Variants in MTA3 observed in about 807,000 individuals in gnomAD.
MTA3 encodes metastasis associated 1 family member 3.
In MTA3, 34 loss-of-function variants were observed where a neutral mutation model predicts 83.5. The ratio of observed to expected loss-of-function variants is 0.41; its 90% CI spans 0.31 to 0.54. MTA3 has a LOEUF of 0.54. Among genes scored for constraint, MTA3 ranks in the 20% least tolerant of loss-of-function variants. The pLI, the probability that MTA3 is intolerant of heterozygous loss-of-function variation, is 0.33. For synonymous variants in MTA3, 303 were observed against 252.7 expected (o/e 1.20, Z -1.89); for missense variants, 761 against 726.4 (o/e 1.05, Z -0.55).
chr2:42,731,172 T>A (rs191459623), intron 16 of MTA3, among the ~76,000 whole-genome samples: 11 of 152,366 alleles, frequency 7.2e-5, no homozygotes, highest in Non-Finnish European at 1.0e-4. Context: ...ATTGACCTTT[T>A]GTATTGCTTC....
intron 2 of MTA3, among the ~76,000 whole-genome samples, chr2:42,537,028 A>G (rs1201517654): frequency 3.9e-5 from 6 of 152,148 alleles, no homozygotes; most frequent in Non-Finnish European, 1.5e-5. Context: ...AATATATTGT[A>G]GCATGTGGCT....
At chr2:42,694,720 A>C (rs1693223612) in intron 9 of MTA3, among the ~76,000 whole-genome samples, 1 of 152,216 alleles carries the variant, frequency 6.6e-6, no homozygotes, top group Non-Finnish European at 1.5e-5. Context: ...CAGAGACCAG[A>C]TGACACACAG....
At chr2:42,616,217 C>T (rs1558504783) in intron 4 of MTA3, among the ~76,000 whole-genome samples, 3 of 152,086 alleles carry the variant, frequency 2.0e-5, no homozygotes, top group Middle Eastern at 3.2e-3. Context: ...TGTGCCACCA[C>T]GCCTGGCTAA....
intron 2 of MTA3, among the ~76,000 whole-genome samples, chr2:42,561,604 T>A (rs1339606581): frequency 3.3e-5 from 5 of 152,182 alleles, no homozygotes; most frequent in Admixed American, 2.6e-4. Context: ...ATTACAGGCG[T>A]GAGCCACCGA....
At chr2:42,678,604 C>T (rs1430803264) in intron 8 of MTA3, among the ~76,000 whole-genome samples, 3 of 152,294 alleles carry the variant, frequency 2.0e-5, no homozygotes, top group African/African-American at 7.2e-5. Flanking sequence ...GCTGGGATTA[C>T]AGGTGTGAAC....
intron 3 of MTA3, among the ~76,000 whole-genome samples, chr2:42,600,676 G>T (rs574296940): frequency 2.6e-5 from 4 of 152,068 alleles, no homozygotes; most frequent in Non-Finnish European, 4.4e-5. Flanking sequence ...TAGTAGCTAG[G>T]ATTACAGGGA....
intron 3 of MTA3, among the ~76,000 whole-genome samples, chr2:42,596,961 G>A (rs1483028774): frequency 2.0e-5 from 3 of 151,844 alleles, no homozygotes; most frequent in Non-Finnish European, 4.4e-5. Flanking sequence ...CTGGAGTGCA[G>A]TGGTGCGATC....
Position 42,697,792 on chromosome 2 carries a change from CAGA to C in MTA3, c.986_988del (p.Glu329del). 1 of 1,543,386 alleles carries C rather than the reference CAGA, an allele frequency of 6.5e-7. No homozygotes were observed. Among genetic ancestry groups the C allele is most frequent in the South Asian group, 1.3e-5 (1 of 77,694 alleles). On this transcript the variant is annotated inframe_deletion, in exon 11 of 17. Transcript: ENST00000405094. ...TTGAATTAGAAACGTCTAAAAGCAG[CAGA>C]AGCTGAGAGTAAACTGAAACAAGTA...
chr2:42,590,257 G>A (rs1204919316), intron 3 of MTA3, among the ~76,000 whole-genome samples: 1 of 152,156 alleles, frequency 6.6e-6, no homozygotes, highest in Non-Finnish European at 1.5e-5. Flanking sequence ...AGATGGTTGG[G>A]TCATGGGAGT....
At chr2:42,703,087 G>A (rs572433022) in intron 11 of MTA3, 323 of 152,328 alleles carry the variant, frequency 2.1e-3, no homozygotes, top group Non-Finnish European at 3.0e-3. Flanking sequence ...AGCCTTCTGA[G>A]TAGCTGGGAC....
At chr2:42,495,238 G>T (rs566117074) in exon 2 of MTA3, 2 of 152,382 alleles carry the variant, frequency 1.3e-5, no homozygotes, top group Admixed American at 1.3e-4. Context: ...CTAGTGAAAA[G>T]GCAGACAACT....
intron 2 of MTA3, among the ~76,000 whole-genome samples, chr2:42,499,775 G>GAA (rs1055009065): frequency 1.5e-5 from 2 of 133,874 alleles, no homozygotes; most frequent in Non-Finnish European, 3.2e-5. Context: ...GCAACAGAGG[G>GAA]AAAAAAAAAA....
rs1679443246 is a variant in MTA3 at position 42,580,015 on chromosome 2, C to G, written c.190+815C>G. On this transcript the variant is annotated intron_variant, in intron 3 of 16. Coordinates refer to ENST00000405094, the MANE Select transcript of MTA3 (RefSeq NM_001330442.2). ...GGAGAGTGCAGTGGCACAATCATGG[C>G]TCACTGCAGCCTCGATGTCCCGGGC... Among the ~76,000 whole-genome samples the G allele has an allele frequency of 2.0e-5, 3 of 152,178 alleles. No homozygotes were observed. In the South Asian group the frequency reaches 6.2e-4, roughly 31 times the overall value.
Position 42,568,753 on chromosome 2 carries a change from C to T in MTA3, c.8C>T (p.Ala3Val). The change falls in exon 1 of 17, where the codon GCC (alanine) becomes GTC (valine). Residue 3 changes from alanine (A) to valine (V), a missense_variant. Transcript: ENST00000405094. ...GCGGGCGGGCGGGCGGACATGGCGGCCAACATGTACCGGGTCGGAGGTAGG... is the reference window on the plus strand; with the variant it reads ...GCGGGCGGGCGGGCGGACATGGCGGTCAACATGTACCGGGTCGGAGGTAGG... MA[A>V]NMYRVGDYVY... 1 of 1,219,352 alleles carries T rather than the reference C, an allele frequency of 8.2e-7. No individual in the cohort carries two copies. The highest frequency in any genetic ancestry group is 1.0e-6 in the Non-Finnish European group (1 of 980,912). 75.5% of individuals were successfully genotyped at this position (1,219,352 alleles called of 1,614,324 possible). A position where few individuals can be genotyped will look rare whatever the true frequency, so the allele number is the denominator to read the frequency against.
At chr2:42,697,875 A>T (rs878891491) in intron 11 of MTA3, 41 bp downstream of exon 11, 1 of 1,358,190 alleles carries the variant, frequency 7.4e-7, no homozygotes, top group South Asian at 1.5e-5. Flanking sequence ...TTTTGGTCTT[A>T]ATTTTATCAT....
chr2:42,667,578 G>GTATGTGTGTGTGTTTGTGTGTGTT (rs1553379078), intron 8 of MTA3, among the ~76,000 whole-genome samples: 5 of 129,812 alleles, frequency 3.9e-5, no homozygotes, highest in Non-Finnish European at 6.7e-5. Context: ...AATTGTGTGT[G>GTATGTGTGTGTGTTTGTGTGTGTT]TGTGTGTGTG....
intron 2 of MTA3, among the ~76,000 whole-genome samples, chr2:42,577,554 C>T (rs1573031295): frequency 6.6e-6 from 1 of 150,890 alleles, no homozygotes; most frequent in South Asian, 2.1e-4. Context: ...GGTCTTGGCT[C>T]ACTGCAACCT....
chr2:42,519,798 C>T (rs1466998155), intron 2 of MTA3, among the ~76,000 whole-genome samples: 1 of 151,882 alleles, frequency 6.6e-6, no homozygotes, highest in East Asian at 1.9e-4. Context: ...ACTTGTAATC[C>T]CAGCACTTTG....
At chr2:42,607,575 C>G (rs1295383466) in intron 3 of MTA3, among the ~76,000 whole-genome samples, 4 of 152,124 alleles carry the variant, frequency 2.6e-5, no homozygotes, top group Non-Finnish European at 5.9e-5. Context: ...AACTCCTGGG[C>G]TCAAGCGATC....
Sources: allele counts gnomAD v4.1 joint callset (sites outside exome capture counted in the v4.1 genomes callset), GRCh38; gene constraint gnomAD v4.1.1; transcripts MANE v1.5; gene names NCBI Gene and HGNC (gene_info 2026-07-23, HGNC 2026-07-21).